The following NUP214 variants were observed in gnomAD, a reference collection of about 807,000 sequenced individuals.
NUP214 encodes nucleoporin 214.
In NUP214, 79 loss-of-function variants were observed where a neutral mutation model predicts 196.2. That is an observed-to-expected ratio of 0.40 (90% CI 0.34 to 0.49). The LOEUF is 0.49. Ranked by LOEUF, NUP214 falls within the 20% of genes least tolerant of loss-of-function variation. NUP214 has a pLI of 0.58. For missense variants in NUP214, 2,468 were observed against 2,539.0 expected, an observed-to-expected ratio of 0.97 and a Z score of 0.60; for synonymous variants, 1,020 against 990.5, an observed-to-expected ratio of 1.03 and a Z score of -0.56.
chr9:131,231,603 T>C (rs1220810485), intron 34 of NUP214, among the ~76,000 whole-genome samples: 1 of 150,768 alleles, frequency 6.6e-6, no homozygotes, highest in Admixed American at 6.6e-5. Flanking sequence ...TACTAGGCCT[T>C]GGTTTAAAAA....
intron 18 of NUP214, 199 bp from the exon 19 acceptor site, chr9:131,162,792 T>G (rs1341826349): frequency 3.4e-6 from 2 of 586,042 alleles, no homozygotes; most frequent in Non-Finnish European, 5.9e-6. Context: ...TCCAGCTGTT[T>G]TCTCCACATT....
rs1833090797 is a variant in NUP214, at chr9:131,175,544, G to A, written c.3242G>A (p.Ser1081Asn). Residue 1081 changes from serine to asparagine, a missense_variant, in exon 23 of 36, where the codon AGT (serine) becomes AAT (asparagine). Around this residue, in one of 5 missense-constraint regions of NUP214, gnomAD observed 1,801 missense variants for 1,779.4 expected, o/e 1.01. Transcript: ENST00000359428. The stretch of plus-strand genomic sequence containing the variant: ...AAAACCGTGAAACATGGTGCACCTA[G>A]TCCTTCCCACCCCATCTCAGCCCCG... ...ATKTVKHGAP[S>N]PSHPISAPQA... 1 of 1,614,214 alleles carries A rather than the reference G, an allele frequency of 6.2e-7. No homozygotes were observed. Among genetic ancestry groups the A allele is most frequent in the African/African-American group, 1.3e-5 (1 of 75,054 alleles).
intron 33 of NUP214, chr9:131,229,546 T>C (rs1834813614): frequency 2.7e-6 from 1 of 370,052 alleles, no homozygotes; most frequent in Non-Finnish European, 5.3e-6. Flanking sequence ...TAGAAAAGTA[T>C]ATTCTGCCTT....
chr9:131,221,066 C>T (rs536017796), intron 31 of NUP214, among the ~76,000 whole-genome samples: 1 of 152,272 alleles, frequency 6.6e-6, no homozygotes, highest in African/African-American at 2.4e-5. Flanking sequence ...ACCAAGTAAA[C>T]GGAATGGCTG....
chr9:131,144,330 G>A lies in NUP214; in HGVS notation c.1345G>A (p.Ala449Thr). The change falls in exon 12 of 36, where the codon GCT (alanine) becomes ACT (threonine). Residue 449 changes from alanine (A) to threonine (T), a missense_variant. Coordinates refer to ENST00000359428, the MANE Select transcript of NUP214 (RefSeq NM_005085.4). Reference protein sequence around the residue: ...TSSQAPQKLDASAAAAPASLP... With the variant: ...TSSQAPQKLDTSAAAAPASLP... ...CTCTCAAGCCCCACAGAAACTGGAT[G>A]CTTCTGCAGCTGCAGCCCCTGCCTC... 1.2e-6 allele frequency: 2 copies of A among 1,614,072 alleles called. No individual in the cohort carries two copies.
In NUP214 at chr9:131,197,573, C is replaced by T; in HGVS notation, c.4079C>T (p.Thr1360Ile). ...NKASSTSLTS[T>I]QPTKTSGVPS... is the part of the protein sequence containing the mutation. ...GCTTCATCCACAAGCCTAACTAGTA[C>T]CCAGCCAACCAAGACGTCAGGCGTG... Residue 1360 changes from threonine (T) to isoleucine (I), a missense_variant, in exon 29 of 36, where the codon ACC becomes ATC. Transcript: ENST00000359428. 1.2e-6 allele frequency: 2 copies of T among 1,614,156 alleles called. No individual in the cohort carries two copies. Among genetic ancestry groups the T allele is most frequent in the Non-Finnish European group, 1.7e-6 (2 of 1,180,016 alleles).
intron 17 of NUP214, among the ~76,000 whole-genome samples, chr9:131,158,824 GC>G (rs1386251910): frequency 6.6e-6 from 1 of 152,124 alleles, no homozygotes; most frequent in Non-Finnish European, 1.5e-5. Context: ...CCACCTCTCT[GC>G]CACCTCTGCC....
intron 11 of NUP214, among the ~76,000 whole-genome samples, chr9:131,141,526 T>C (rs566920465): frequency 6.8e-6 from 1 of 146,956 alleles, no homozygotes; most frequent in African/African-American, 2.5e-5. Context: ...CTCTGTTGCC[T>C]AGGTTGGAGT....
At chr9:131,206,162 T>TTTTTTTTTTTTTTTTTTTTTTC (rs71372703) in intron 30 of NUP214, among the ~76,000 whole-genome samples, 1 of 126,340 alleles carries the variant, frequency 7.9e-6, no homozygotes, top group African/African-American at 2.8e-5. Flanking sequence ...TTTTTTTTTT[T>TTTTTTTTTTTTTTTTTTTTTTC]GAGACAGGGT....
At chr9:131,180,388 C>A (rs1196699568) in intron 24 of NUP214, among the ~76,000 whole-genome samples, 1 of 152,160 alleles carries the variant, frequency 6.6e-6, no homozygotes, top group Non-Finnish European at 1.5e-5. Context: ...AGAATATGTT[C>A]ATTGTAAAAT....
At chr9:131,187,142 A>T (rs1302115096) in intron 24 of NUP214, 147 bp from the exon 25 acceptor site, 3 of 615,530 alleles carry the variant, frequency 4.9e-6, no homozygotes, top group Non-Finnish European at 8.6e-6. Flanking sequence ...TTCAAAAAAA[A>T]TGTCAAATCA....
At chr9:131,230,594 C>T in intron 33 of NUP214, 36 bp from the exon 34 acceptor site, 1 of 1,611,670 alleles carries the variant, frequency 6.2e-7, no homozygotes. Flanking sequence ...GGTGAGAGGC[C>T]CCACTGACCT....
chr9:131,214,196 T>G (rs1834330421), intron 30 of NUP214, among the ~76,000 whole-genome samples: 1 of 152,144 alleles, frequency 6.6e-6, no homozygotes, highest in African/African-American at 2.4e-5. Context: ...GAGTAGAGAT[T>G]AAGTGATTAC....
chr9:131,168,242 T>C (rs927364265), intron 21 of NUP214, among the ~76,000 whole-genome samples: 3 of 152,220 alleles, frequency 2.0e-5, no homozygotes, highest in African/African-American at 7.2e-5. Flanking sequence ...AGCCTTTTCT[T>C]TTATAGTTAG....
chr9:131,186,712 A>G (rs1033801084), intron 24 of NUP214, among the ~76,000 whole-genome samples: 13 of 152,244 alleles, frequency 8.5e-5, no homozygotes, highest in Non-Finnish European at 1.5e-4. Flanking sequence ...AAAGATGATG[A>G]GAGCTCTTTC....
Position 131,198,749 on chromosome 9 carries a change from C to G in NUP214, c.5255C>G (p.Ser1752Cys), listed in dbSNP as rs764632048. The G allele has an allele frequency of 1.2e-6, 2 of 1,614,216 alleles. No homozygotes were observed. Among genetic ancestry groups the G allele is most frequent in the Non-Finnish European group, 1.7e-6 (2 of 1,180,036 alleles). ...TCCTTCAGTCAGCCTGGGTTCAGTT[C>G]CGTGCCTGCCTTCGGTCAGCCTGCT... ...VFSFSQPGFS[S>C]VPAFGQPASS... Residue 1752 changes from serine to cysteine, a missense_variant, in exon 29 of 36, where the codon TCC becomes TGC. By Grantham distance (112) the Ser-to-Cys change is moderately radical. This residue lies in a region of NUP214 where 1,801 missense variants were observed against 1,779.4 expected (regional missense o/e 1.01). Coordinates refer to ENST00000359428, the MANE Select transcript of NUP214 (RefSeq NM_005085.4).
chr9:131,164,068 G>A lies in NUP214; in HGVS notation c.2817G>A (p.Leu939=). 1 of 1,614,102 alleles carries A rather than the reference G, an allele frequency of 6.2e-7. No homozygotes were observed. Residue 939 remains leucine, a synonymous_variant, in exon 21 of 36, where the codon CTG becomes CTA. Coordinates refer to ENST00000359428, the MANE Select transcript of NUP214 (RefSeq NM_005085.4). ...TTTATGGATTTCTTGCAGCCAAACT[G>A]TCCCCCATGAAACAGGCACAACTGA... ...TKSLPKVPAK[L]SPMKQAQLRN... is the part of the protein sequence containing the mutation.
At chr9:131,230,940 C>T (rs1467672191) in intron 34 of NUP214, among the ~76,000 whole-genome samples, 171 bp downstream of exon 34, 1 of 152,100 alleles carries the variant, frequency 6.6e-6, no homozygotes, top group Non-Finnish European at 1.5e-5. Context: ...GCAGGAGGAT[C>T]ACTTGAGCCC....
At position 131,125,638 on chromosome 9, in the gene NUP214, G is replaced by T. The variant is rs977730820; in HGVS notation, c.-67G>T. 6.5e-7 allele frequency: 1 copy of T among 1,547,686 alleles called. No individual in the cohort carries two copies. Among genetic ancestry groups the T allele is most frequent in the Non-Finnish European group, 8.7e-7 (1 of 1,144,930 alleles). On this transcript the variant is annotated 5_prime_UTR_variant, in exon 1 of 36. Transcript: ENST00000359428. This position sits in a 1 kb window ranked among gnomAD's most constrained non-coding sequence, Gnocchi z 4.1. ...AGGGGAGGAAGTTTGCTGTCGAGCGGCCTGGGTTCCGTGGGCAAGGCCGTG... is the reference window on the plus strand; with the variant it reads ...AGGGGAGGAAGTTTGCTGTCGAGCGTCCTGGGTTCCGTGGGCAAGGCCGTG...
Sources: allele counts gnomAD v4.1 joint callset (sites outside exome capture counted in the v4.1 genomes callset), GRCh38; gene constraint gnomAD v4.1.1; regional missense constraint gnomAD v4.1.1; non-coding constraint Gnocchi (gnomAD v3.1); transcripts MANE v1.5; gene names NCBI Gene and HGNC (gene_info 2026-07-23, HGNC 2026-07-21).